P4HA3: variants seen among roughly 807,000 people sequenced by gnomAD.
The protein encoded by P4HA3 is prolyl 4-hydroxylase subunit alpha 3.
Under a neutral mutation model 66.7 loss-of-function variants are expected in P4HA3, and 60 were observed. The observed-to-expected ratio is 0.90, with a 90% CI of 0.73 to 1.12. The LOEUF is 1.12. P4HA3 is among the 50% of genes most tolerant of loss of function. The pLI, the probability that P4HA3 is intolerant of heterozygous loss-of-function variation, is 0.00. For missense variants in P4HA3, 683 were observed against 685.8 expected (o/e 1.00, Z 0.05); for synonymous variants, 263 against 274.6 (o/e 0.96, Z 0.42).
At chr11:74,305,369 T>C in intron 1 of P4HA3, among the ~76,000 whole-genome samples, 1 of 152,158 alleles carries the variant, frequency 6.6e-6, no homozygotes, top group Non-Finnish European at 1.5e-5. Flanking sequence ...ATTGTCTCAT[T>C]TAATTACCCC....
At chr11:74,291,478 C>G (rs1861022032) in intron 4 of P4HA3, among the ~76,000 whole-genome samples, 1 of 152,182 alleles carries the variant, frequency 6.6e-6, no homozygotes, top group Admixed American at 6.5e-5. Flanking sequence ...ACTTCCAACA[C>G]TATGTTGAAT....
At chr11:74,254,869 G>A (rs1220253939) in intron 15 of P4HA3, among the ~76,000 whole-genome samples, 2 of 152,010 alleles carry the variant, frequency 1.3e-5, no homozygotes, top group African/African-American at 2.4e-5. Flanking sequence ...CAGTGGGATG[G>A]TCAGAGCCAC....
At chr11:74,255,661 T>C (rs1796905562) in intron 15 of P4HA3, among the ~76,000 whole-genome samples, 2 of 152,246 alleles carry the variant, frequency 1.3e-5, no homozygotes, top group South Asian at 2.1e-4. Context: ...GTTCCTGTTA[T>C]GACACTGTTA....
chr11:74,291,765 T>C (rs1419400369), intron 4 of P4HA3, among the ~76,000 whole-genome samples: 3 of 152,260 alleles, frequency 2.0e-5, no homozygotes, highest in Non-Finnish European at 4.4e-5. Flanking sequence ...TTGCATATGT[T>C]GAATCAGCCT....
At chr11:74,287,780 G>A (rs2134770635) in intron 5 of P4HA3, among the ~76,000 whole-genome samples, 1 of 152,288 alleles carries the variant, frequency 6.6e-6, no homozygotes, top group South Asian at 2.1e-4. Context: ...ATTTTGGGAG[G>A]CTGAGGCAGG....
chr11:74,267,411 G>A, intron 12 of P4HA3, 93 bp from the exon 13 acceptor site: 1 of 1,466,770 alleles, frequency 6.8e-7, no homozygotes, highest in Non-Finnish European at 9.2e-7. Flanking sequence ...GCGCGTGTGA[G>A]TGCCCCCTTA....
chr11:74,256,005 G>C (rs959109655), intron 15 of P4HA3: 3 of 490,284 alleles, frequency 6.1e-6, no homozygotes, highest in African/African-American at 3.9e-5. Flanking sequence ...GGGGCACTCA[G>C]GTTCATCAGG....
chr11:74,292,872 G>C (rs879646536), intron 4 of P4HA3, among the ~76,000 whole-genome samples: 16 of 152,032 alleles, frequency 1.1e-4, no homozygotes, highest in Non-Finnish European at 2.2e-4. Context: ...CCAACTATGT[G>C]GTCAATTTTG....
intron 4 of P4HA3, among the ~76,000 whole-genome samples, chr11:74,290,335 T>C (rs181609034): frequency 0.051 from 7,691 of 152,112 alleles, 488 homozygotes; most frequent in African/African-American, 0.15. Context: ...TTGTAGATTC[T>C]GGATATTAGC....
rs778569576 is a variant in P4HA3, at chr11:74,279,449, G to A, written c.1114C>T (p.Gln372Ter). The A allele has an allele frequency of 7.4e-6, 12 of 1,613,796 alleles. No homozygotes were observed. The highest frequency in any genetic ancestry group is 2.7e-5 in the African/African-American group (2 of 74,920). The stretch of plus-strand genomic sequence containing the variant: ...TCCCCTGATGCCACCACTGACCTCT[G>A]TAGCTGGTGGGAAGAATGTAAGACA... ...KIRELAEPWL[Q>*]RSVVASGEKQ... Residue 372 changes from glutamine to a stop codon, truncating the protein, a stop_gained, in exon 8 of 13, where the codon CAG becomes TAG. Coordinates refer to ENST00000331597, the MANE Select transcript of P4HA3 (RefSeq NM_182904.5). LOFTEE classifies it high-confidence loss of function.
chr11:74,269,609 GC>G, intron 11 of P4HA3, 42 bp downstream of exon 11: 1 of 1,585,052 alleles, frequency 6.3e-7, no homozygotes, highest in Non-Finnish European at 8.6e-7. Context: ...GGTAAGCGCT[GC>G]ACTCCCTCAA....
intron 7 of P4HA3, among the ~76,000 whole-genome samples, chr11:74,280,866 T>A (rs1330179035): frequency 6.6e-6 from 1 of 152,182 alleles, no homozygotes. Context: ...TGGAAAAGCC[T>A]CTTCCTTTCC....
rs1307695904 is a variant in P4HA3 at position 74,275,673 on chromosome 11, A to G, written c.1335+1312T>C. On this transcript the variant is annotated intron_variant, in intron 9 of 12. Transcript: ENST00000331597. The stretch of plus-strand genomic sequence containing the variant: ...TGCTCTAGGTTTTTTGCATTTCCAT[A>G]TACATTTTAGGATCAGCATGCTAAT... 2.0e-5 allele frequency among the ~76,000 whole-genome samples: 3 copies of G among 152,294 alleles called. No individual in the cohort carries two copies. The East Asian group carries it at 5.8e-4, about 29-fold the overall frequency.
intron 15 of P4HA3, chr11:74,251,232 T>C: frequency 7.1e-7 from 1 of 1,401,896 alleles, no homozygotes; most frequent in Non-Finnish European, 9.3e-7. Context: ...GACACTCTGC[T>C]ATTTCATCCC....
In P4HA3 at chr11:74,252,935, G is replaced by C. The variant is rs562323657; in HGVS notation, c.*1319-4934C>G. On this transcript the variant is annotated intron_variant and NMD_transcript_variant, in intron 15 of 15. Coordinates refer to the P4HA3 transcript ENST00000524388. ...CTAGTCTGTACTGCAGAAGGCCTTT[G>C]ATCCTCAGAGAGCCCACAACCCTCA... Among the ~76,000 whole-genome samples, 19 of 152,298 alleles carry C rather than the reference G, an allele frequency of 1.2e-4. No homozygotes were observed. The South Asian group carries it at 3.7e-3, about 30-fold the overall frequency.
intron 5 of P4HA3, among the ~76,000 whole-genome samples, chr11:74,288,156 T>G (rs1413612749): frequency 6.6e-6 from 1 of 152,186 alleles, no homozygotes; most frequent in African/African-American, 2.4e-5. Context: ...CATATAACTT[T>G]GAGGCAAACA....
intron 5 of P4HA3, among the ~76,000 whole-genome samples, chr11:74,288,522 T>C (rs1210473176): frequency 6.6e-6 from 1 of 152,152 alleles, no homozygotes; most frequent in African/African-American, 2.4e-5. Flanking sequence ...CATTGATTGG[T>C]TGGAAGAAGG....
intron 15 of P4HA3, chr11:74,251,731 G>A (rs750321437): frequency 2.0e-5 from 32 of 1,613,782 alleles, no homozygotes; most frequent in Non-Finnish European, 2.5e-5. Flanking sequence ...GCGGGTACAA[G>A]GGTTTAAGAA....
At chr11:74,250,787 A>T in intron 15 of P4HA3, 1 of 607,120 alleles carries the variant, frequency 1.6e-6, no homozygotes, top group Non-Finnish European at 3.0e-6. Context: ...GCAAGGTTAC[A>T]ATTACTTGTA....
Sources: allele counts gnomAD v4.1 joint callset (sites outside exome capture counted in the v4.1 genomes callset), GRCh38; gene constraint gnomAD v4.1.1; transcripts MANE v1.5; gene names NCBI Gene and HGNC (gene_info 2026-07-23, HGNC 2026-07-21).